The following CNOT1 variants were observed in gnomAD, a reference collection of about 807,000 sequenced individuals.
CNOT1 encodes CCR4-associated factor 1.
A neutral mutation model predicts 273.8 loss-of-function variants in CNOT1; 15 were observed. The observed-to-expected ratio is 0.05, with a 90% confidence interval of 0.04 to 0.08. The LOEUF is 0.08. CNOT1 is among the 10% of genes least tolerant of loss of function. CNOT1 has a pLI of 1.00. For synonymous variants in CNOT1, 1,022 were observed against 1,005.5 expected (o/e 1.02, Z -0.31); for missense variants, 1,644 against 2,912.2 (o/e 0.56, Z 10.02).
chr16:58,543,143 A>C (rs942928251), intron 31 of CNOT1: 1 of 1,372,720 alleles, frequency 7.3e-7, no homozygotes, highest in Non-Finnish European at 9.4e-7. Flanking sequence ...TCATTAAAGC[A>C]GTAAACAAAT....
rs748700942 is a variant in CNOT1 at position 58,585,472 on chromosome 16, T to C, written c.672A>G (p.Ala224=). 2.0e-5 allele frequency: 33 copies of C among 1,613,262 alleles called. No individual in the cohort carries two copies. The highest frequency in any genetic ancestry group is 2.8e-5 in the Non-Finnish European group (33 of 1,179,944). Residue 224 remains alanine (A), a synonymous_variant, in exon 8 of 49, where the codon GCA becomes GCG. Coordinates refer to ENST00000317147, the MANE Select transcript of CNOT1 (RefSeq NM_016284.5). The part of the protein sequence containing the change: ...FPQERCPVVL[A]PLLYPEKRDI... ...CCCGTTTTTCAGGGTATAAAAGTGGTGCGAGCACCACGGGACAGCGTTCTT... is the reference window on the plus strand; with the variant it reads ...CCCGTTTTTCAGGGTATAAAAGTGGCGCGAGCACCACGGGACAGCGTTCTT...
chr16:58,555,499 T>G lies in CNOT1; in HGVS notation c.2643A>C (p.Ile881=). Residue 881 remains isoleucine (I), a synonymous_variant, in exon 21 of 49, where the codon ATA becomes ATC. Transcript: ENST00000317147. ...AGTTAAATACTTCTCGTTCCCTCTTTATAGTAGAGTCTTTAAATCTCTGCA... is the reference window on the plus strand; with the variant it reads ...AGTTAAATACTTCTCGTTCCCTCTTGATAGTAGAGTCTTTAAATCTCTGCA... ...EMLQRFKDST[I]KREREVFNCM... 1 of 1,613,942 alleles carries G rather than the reference T, an allele frequency of 6.2e-7. No homozygotes were observed. The highest frequency in any genetic ancestry group is 8.5e-7 in the Non-Finnish European group (1 of 1,180,040).
In CNOT1 at chr16:58,599,238, G is replaced by A. The variant is rs1418912955; in HGVS notation, c.100C>T (p.His34Tyr). ...NYRASQQEIQ[H>Y]IVNRHGPEAD... The stretch of plus-strand genomic sequence containing the variant: ...TGTTTTCTGGCTAGTTTACTTACAT[G>A]CTGTATTTCCTGCTGGCTGGCTCGG... Residue 34 changes from histidine to tyrosine, a missense_variant and splice_region_variant, in exon 2 of 49, where the codon CAT (histidine) becomes TAT (tyrosine). His to Tyr is a moderately conservative substitution (Grantham distance 83). Transcript: ENST00000317147. The A allele has an allele frequency of 6.2e-7, 1 of 1,614,028 alleles. No individual in the cohort carries two copies. Among genetic ancestry groups the A allele is most frequent in the Non-Finnish European group, 8.5e-7 (1 of 1,180,000 alleles).
chr16:58,556,896 G>A lies in CNOT1; in HGVS notation c.2430C>T (p.Gly810=), dbSNP rs753107621. The A allele has an allele frequency of 7.4e-6, 12 of 1,613,994 alleles. No homozygotes were observed. The highest frequency in any genetic ancestry group is 2.5e-6 in the Non-Finnish European group (3 of 1,180,032). Reference sequence around the variant, plus strand: ...ATGTAGGCTGATTCAGTCCAGAGGTGCCCAGTTTCCTCTGTACAAAAGGGT... The same window carrying A: ...ATGTAGGCTGATTCAGTCCAGAGGTACCCAGTTTCCTCTGTACAAAAGGGT... The part of the protein sequence containing the change: ...NNDPFVQRKL[G]TSGLNQPTFQ... The change falls in exon 19 of 49, where the codon GGC becomes GGT. Residue 810 remains glycine, a synonymous_variant. Transcript: ENST00000317147.
chr16:58,625,833 A>C (rs2043551159), intron 1 of CNOT1, among the ~76,000 whole-genome samples: 1 of 139,988 alleles, frequency 7.1e-6, no homozygotes, highest in Admixed American at 7.4e-5. Context: ...ACTCCAGCCT[A>C]GGCATTGAAG....
In CNOT1 at chr16:58,534,273, G is replaced by T. The variant is rs1348156138; in HGVS notation, c.5769C>A (p.Ala1923=). 1 of 1,614,074 alleles carries T rather than the reference G, an allele frequency of 6.2e-7. No individual in the cohort carries two copies. The highest frequency in any genetic ancestry group is 1.1e-5 in the South Asian group (1 of 91,068). Residue 1923 remains alanine, a synonymous_variant, in exon 40 of 49, where the codon GCC becomes GCA. Coordinates refer to ENST00000317147, the MANE Select transcript of CNOT1 (RefSeq NM_016284.5). ...ACTTGGCTCGGATCATGGTGGGATTGGCAGCAGGATTGTGCTGCTGCTCAG... is the reference window on the plus strand; with the variant it reads ...ACTTGGCTCGGATCATGGTGGGATTTGCAGCAGGATTGTGCTGCTGCTCAG... ...AQAEQQHNPA[A]NPTMIRAKCY...
rs775598992 is a variant in CNOT1 at position 58,560,253 on chromosome 16, G to A, written c.2089C>T (p.Pro697Ser). The change falls in exon 17 of 49, where the codon CCT (proline) becomes TCT (serine). Residue 697 changes from proline to serine, a missense_variant. Physicochemically the swap from Pro to Ser is moderately conservative, Grantham distance 74. Coordinates refer to ENST00000317147, the MANE Select transcript of CNOT1 (RefSeq NM_016284.5). ...PPPGVMPKGR[P>S]PSASSLDAIS... ...GCATCTAAGCTGCTAGCACTAGGAG[G>A]ACGTCCTTTTGGCATAACTCCAGGT... 1.1e-5 allele frequency: 18 copies of A among 1,613,988 alleles called. No homozygotes were observed. The highest frequency in any genetic ancestry group is 3.4e-6 in the Non-Finnish European group (4 of 1,180,012).
Position 58,526,147 on chromosome 16 carries a change from GAT to G in CNOT1, c.6454-11_6454-10del, listed in dbSNP as rs1567385062. 1 of 1,613,512 alleles carries G rather than the reference GAT, an allele frequency of 6.2e-7. No individual in the cohort carries two copies. Among genetic ancestry groups the G allele is most frequent in the Non-Finnish European group, 8.5e-7 (1 of 1,179,624 alleles). On this transcript the variant is annotated splice_polypyrimidine_tract_variant and intron_variant, in intron 44 of 48. Transcript: ENST00000317147. ...TCACTCAACATGTCCACCTGCCACA[GAT>G]AAAATGCAAGAATCACAAGCAGAAT...
chr16:58,578,810 A>C lies in CNOT1; in HGVS notation c.1473T>G (p.Ile491Met). Residue 491 changes from isoleucine to methionine, a missense_variant, in exon 13 of 49, where the codon ATT becomes ATG. Ile to Met is a conservative substitution (Grantham distance 10). Around this residue, in one of 13 missense-constraint regions of CNOT1, gnomAD observed 706 missense variants for 1,021.2 expected, o/e 0.69. Transcript: ENST00000317147. ...GGCGCAAGGTATGCCAAGAGGTGTT[A>C]ATTTGTAGTAAGGCCAATACCAGCA... ...PDMLVLALLQ[I>M]NTSWHTLRHE... is the part of the protein sequence containing the mutation. The C allele has an allele frequency of 6.2e-7, 1 of 1,614,126 alleles. No homozygotes were observed. The highest frequency in any genetic ancestry group is 8.5e-7 in the Non-Finnish European group (1 of 1,180,034).
chr16:58,589,703 G>C (rs2151990151), intron 2 of CNOT1, among the ~76,000 whole-genome samples: 1 of 152,182 alleles, frequency 6.6e-6, no homozygotes, highest in East Asian at 1.9e-4. Context: ...AATTCTCTCT[G>C]CTAACACAGC....
intron 29 of CNOT1, 129 bp downstream of exon 29, chr16:58,546,192 C>T (rs996538109): frequency 1.6e-5 from 13 of 799,604 alleles, no homozygotes; most frequent in African/African-American, 1.0e-4. Context: ...AGAAGGCTCA[C>T]CAAAACGTAT....
Position 58,547,380 on chromosome 16 carries a change from G to T in CNOT1, c.3640-84C>A. 6.4e-7 allele frequency: 1 copy of T among 1,572,464 alleles called. No homozygotes were observed. On this transcript the variant is annotated intron_variant, in intron 26 of 48. Coordinates refer to ENST00000317147, the MANE Select transcript of CNOT1 (RefSeq NM_016284.5). This position sits in a 1 kb window ranked among gnomAD's most constrained non-coding sequence, Gnocchi z 4.0. Reference sequence around the variant, plus strand: ...AAACCAAAGAAAAGTATTTTGCCAAGCTTATCCCCAAAACAGGAATCAACA... The same window carrying T: ...AAACCAAAGAAAAGTATTTTGCCAATCTTATCCCCAAAACAGGAATCAACA...
intron 8 of CNOT1, among the ~76,000 whole-genome samples, chr16:58,585,062 T>C (rs74020111): frequency 0.013 from 1,956 of 152,244 alleles, 45 homozygotes; most frequent in African/African-American, 0.045. Flanking sequence ...TGCTCTCTCT[T>C]CCTTCCAAAA....
rs146241165 is a variant in CNOT1, at chr16:58,546,343, T to C, written c.3984A>G (p.Glu1328=). Residue 1328 remains glutamate, a synonymous_variant, in exon 29 of 49, where the codon GAA becomes GAG. Transcript: ENST00000317147. Reference sequence around the variant, plus strand: ...TACTTGTGGTTGTGATGGGAGGGAGTTCTTCTGGCTGCTTGACATCTTTCT... The same window carrying C: ...TACTTGTGGTTGTGATGGGAGGGAGCTCTTCTGGCTGCTTGACATCTTTCT... The part of the protein sequence containing the change: ...APKKDVKQPE[E]LPPITTTTTS... 4.2e-5 allele frequency: 68 copies of C among 1,613,520 alleles called. No individual in the cohort carries two copies. The highest frequency in any genetic ancestry group is 4.9e-5 in the Non-Finnish European group (58 of 1,179,780).
intron 16 of CNOT1, among the ~76,000 whole-genome samples, chr16:58,571,432 C>T (rs28733949): frequency 0.023 from 3,505 of 151,926 alleles, 122 homozygotes; most frequent in African/African-American, 0.08. Flanking sequence ...TGGTGGCGCA[C>T]GCCTGTAGTT....
intron 1 of CNOT1, among the ~76,000 whole-genome samples, chr16:58,626,369 T>C (rs1045610235): frequency 1.5e-5 from 2 of 129,370 alleles, no homozygotes; most frequent in East Asian, 2.4e-4. Flanking sequence ...ATTCCACCAT[T>C]GCACTCCAGC....
chr16:58,533,845 T>C (rs1009906508), intron 40 of CNOT1, among the ~76,000 whole-genome samples: 6 of 151,890 alleles, frequency 4.0e-5, no homozygotes, highest in South Asian at 4.2e-4. Flanking sequence ...AAACCACTGA[T>C]GTGGCCAGGC....
At chr16:58,602,485 G>A (rs994980172) in intron 1 of CNOT1, among the ~76,000 whole-genome samples, 5 of 147,614 alleles carry the variant, frequency 3.4e-5, no homozygotes, top group East Asian at 4.1e-4. Flanking sequence ...CCTGAGAGGC[G>A]GAGGTTGCAG....
At chr16:58,594,088 T>C (rs2042160168) in intron 2 of CNOT1, among the ~76,000 whole-genome samples, 1 of 151,684 alleles carries the variant, frequency 6.6e-6, no homozygotes, top group Non-Finnish European at 1.5e-5. Context: ...CTACTAAAAA[T>C]ACAAAATTAG....
Sources: allele counts gnomAD v4.1 joint callset (sites outside exome capture counted in the v4.1 genomes callset), GRCh38; gene constraint gnomAD v4.1.1; regional missense constraint gnomAD v4.1.1; non-coding constraint Gnocchi (gnomAD v3.1); transcripts MANE v1.5; gene names NCBI Gene and HGNC (gene_info 2026-07-23, HGNC 2026-07-21).